SYNPR: variants seen among roughly 807,000 people sequenced by gnomAD.
The protein encoded by SYNPR is synaptoporin.
Under a neutral mutation model 32.9 loss-of-function variants are expected in SYNPR, and 23 were observed. The observed-to-expected ratio is 0.70, with a 90% confidence interval of 0.50 to 0.99. SYNPR has a LOEUF of 0.99. Ranked by LOEUF, SYNPR falls within the 50% of genes least tolerant of loss-of-function variation. SYNPR has a pLI of 0.00. For synonymous variants in SYNPR, 146 were observed against 135.9 expected (o/e 1.07, Z -0.52); for missense variants, 318 against 349.3 (o/e 0.91, Z 0.71).
rs1051663295 is a variant in SYNPR at position 63,278,312 on chromosome 3, C to G, written c.-222C>G. ...TGCCCCAGCTCTTCCCTGCCCACCC[C>G]TCGCTGACTCGCTTCGCTTCCCCGA... On this transcript the variant is annotated 5_prime_UTR_variant, in exon 1 of 6. Transcript: ENST00000478300. 6 of 592,270 alleles carry G rather than the reference C, an allele frequency of 1.0e-5. No homozygotes were observed. The African/African-American group carries it at 1.1e-4, about 11-fold the overall frequency. 36.7% of individuals were successfully genotyped at this position (592,270 alleles called of 1,614,324 possible).
the SYNPR span, among the ~76,000 whole-genome samples, chr3:63,217,758 T>G: frequency 0.015 from 2,216 of 152,284 alleles, 45 homozygotes; most frequent in African/African-American, 0.05. Flanking sequence ...ACAGATTCCT[T>G]AAAATGTGTT....
At chr3:63,251,926 G>C (rs935989740) in intron 1 of SYNPR, among the ~76,000 whole-genome samples, 1 of 151,904 alleles carries the variant, frequency 6.6e-6, no homozygotes, top group Non-Finnish European at 1.5e-5. Flanking sequence ...GATAAAATCA[G>C]GTTGAGTAAA....
chr3:63,503,829 C>T (rs973943703), intron 3 of SYNPR, among the ~76,000 whole-genome samples: 4 of 151,876 alleles, frequency 2.6e-5, no homozygotes, highest in African/African-American at 7.3e-5. Context: ...TCTTAAAGGA[C>T]AGTCAGTGGC....
At chr3:63,503,892 ATTAAT>A (rs1373307880) in intron 3 of SYNPR, among the ~76,000 whole-genome samples, 1 of 152,152 alleles carries the variant, frequency 6.6e-6, no homozygotes, top group East Asian at 1.9e-4. Flanking sequence ...TAATATTTTA[ATTAAT>A]TTATATGAAT....
the SYNPR span, among the ~76,000 whole-genome samples, chr3:63,208,886 T>C: frequency 6.6e-6 from 1 of 152,206 alleles, no homozygotes; most frequent in Non-Finnish European, 1.5e-5. Flanking sequence ...GAAATCTATT[T>C]ACCTTTTACA....
intron 3 of SYNPR, among the ~76,000 whole-genome samples, chr3:63,513,659 G>C (rs1053902183): frequency 2.6e-5 from 4 of 152,006 alleles, no homozygotes; most frequent in African/African-American, 9.7e-5. Context: ...AGCCAAAACT[G>C]GTATAGTGGG....
At chr3:63,384,079 T>C (rs1405961282) in intron 2 of SYNPR, among the ~76,000 whole-genome samples, 1 of 152,260 alleles carries the variant, frequency 6.6e-6, no homozygotes, top group African/African-American at 2.4e-5. Flanking sequence ...TTCTTCAAAG[T>C]ATCACATCAA....
intron 2 of SYNPR, among the ~76,000 whole-genome samples, chr3:63,350,181 G>C (rs148387668): frequency 6.6e-6 from 1 of 151,520 alleles, no homozygotes; most frequent in African/African-American, 2.4e-5. Context: ...ATATTAAGGG[G>C]AAGGGAAAAC....
chr3:63,579,499 C>A (rs1042849181), intron 4 of SYNPR, among the ~76,000 whole-genome samples: 2 of 152,130 alleles, frequency 1.3e-5, no homozygotes, highest in African/African-American at 4.8e-5. Flanking sequence ...CAAACTACCA[C>A]ATACTTCACT....
chr3:63,539,248 CA>C (rs1170203762), intron 3 of SYNPR, among the ~76,000 whole-genome samples: 2 of 152,096 alleles, frequency 1.3e-5, no homozygotes, highest in Admixed American at 6.6e-5. Flanking sequence ...GATTCCACAA[CA>C]AAGTAGAATC....
chr3:63,303,615 T>C (rs975028565), intron 2 of SYNPR, among the ~76,000 whole-genome samples: 4 of 152,026 alleles, frequency 2.6e-5, no homozygotes, highest in Non-Finnish European at 5.9e-5. Context: ...CTGTAAATAT[T>C]TATACCTAAA....
intron 4 of SYNPR, among the ~76,000 whole-genome samples, chr3:63,568,530 A>G (rs1702832973): frequency 6.6e-6 from 1 of 152,170 alleles, no homozygotes; most frequent in Non-Finnish European, 1.5e-5. Flanking sequence ...CTTGATACCT[A>G]TAAGGTCAAG....
At chr3:63,575,589 G>T (rs1200642024) in intron 4 of SYNPR, among the ~76,000 whole-genome samples, 2 of 152,164 alleles carry the variant, frequency 1.3e-5, no homozygotes, top group Non-Finnish European at 2.9e-5. Context: ...AAGCTTTATA[G>T]AGAAAATAAT....
rs182462856 is a variant in SYNPR at position 63,513,062 on chromosome 3, C to T, written c.209+32106C>T. Among the ~76,000 whole-genome samples the T allele has an allele frequency of 1.2e-3, 185 of 152,126 alleles. 4 individuals are homozygous for T. The highest frequency in any genetic ancestry group is 4.9e-3 in the East Asian group (25 of 5,150). ...TAAGAGACTGAGGGCCAGTCTTCCT[C>T]CCCAGAATCGTATAACTGGCCTGGG... On this transcript the variant is annotated intron_variant, in intron 3 of 5. Coordinates refer to ENST00000478300, the MANE Select transcript of SYNPR (RefSeq NM_001130003.2).
intron 3 of SYNPR, among the ~76,000 whole-genome samples, chr3:63,532,456 A>C (rs1172615788): frequency 6.6e-6 from 1 of 152,210 alleles, no homozygotes; most frequent in Non-Finnish European, 1.5e-5. Context: ...TTCTCTGCTA[A>C]AATAAAGATG....
At chr3:63,344,763 C>T (rs1435575001) in intron 2 of SYNPR, among the ~76,000 whole-genome samples, 1 of 151,682 alleles carries the variant, frequency 6.6e-6, no homozygotes, top group African/African-American at 2.4e-5. Flanking sequence ...AGGGAGTTTA[C>T]TGCACAAATC....
At chr3:63,373,569 T>G (rs2087846988) in intron 2 of SYNPR, among the ~76,000 whole-genome samples, 1 of 152,012 alleles carries the variant, frequency 6.6e-6, no homozygotes, top group South Asian at 2.1e-4. Context: ...CCTCTGAGAA[T>G]GATGGGATTA....
chr3:63,575,418 C>G (rs1346032909), intron 4 of SYNPR, among the ~76,000 whole-genome samples: 3 of 152,084 alleles, frequency 2.0e-5, no homozygotes, highest in Non-Finnish European at 4.4e-5. Context: ...ACTCTCAGCT[C>G]CTATTCCCAC....
At chr3:63,300,508 T>C (rs1358674013) in intron 2 of SYNPR, among the ~76,000 whole-genome samples, 1 of 152,122 alleles carries the variant, frequency 6.6e-6, no homozygotes, top group Non-Finnish European at 1.5e-5. Context: ...CAGATCCTTT[T>C]ACTAGGTTAC....
Sources: gnomAD v4.1 joint callset for allele counts (sites outside exome capture counted in the v4.1 genomes callset) on GRCh38, gnomAD v4.1.1 for gene constraint, MANE v1.5 for transcripts, NCBI Gene and HGNC (gene_info 2026-07-23, HGNC 2026-07-21) for gene names.